Variants in PHF20 observed in about 807,000 individuals in gnomAD.
PHF20 encodes glioma-expressed antigen 2.
A neutral mutation model predicts 113.5 loss-of-function variants in PHF20; 23 were observed. The ratio of observed to expected loss-of-function variants is 0.20; its 90% CI spans 0.15 to 0.29. The LOEUF (loss-of-function observed/expected upper bound fraction) is 0.29, where lower values mean the gene tolerates loss of function less well. Among genes scored for constraint, PHF20 ranks in the 10% least tolerant of loss-of-function variants. The probability of loss-of-function intolerance (pLI) is 1.00; values close to 1 mark genes in which losing one functional copy is unlikely to be tolerated. For synonymous variants in PHF20, 434 were observed against 457.3 expected, an observed-to-expected ratio of 0.95 and a Z score of 0.65; for missense variants, 943 against 1,219.6, an observed-to-expected ratio of 0.77 and a Z score of 3.38.
chr20:35,852,668 A>G (rs2042755129), intron 4 of PHF20, among the ~76,000 whole-genome samples: 1 of 149,212 alleles, frequency 6.7e-6, no homozygotes, highest in African/African-American at 2.5e-5. Context: ...GCTCGATCTC[A>G]GCTCACTGCA....
intron 9 of PHF20, among the ~76,000 whole-genome samples, chr20:35,892,569 A>G (rs984050826): frequency 5.3e-5 from 8 of 152,144 alleles, no homozygotes; most frequent in African/African-American, 1.9e-4. Flanking sequence ...AAAAGTTAAC[A>G]TAAACATTTT....
chr20:35,899,382 T>C lies in PHF20; in HGVS notation c.1295T>C (p.Phe432Ser), dbSNP rs1330908618. 1.2e-5 allele frequency: 19 copies of C among 1,604,300 alleles called. No individual in the cohort carries two copies. The highest frequency in any genetic ancestry group is 2.2e-5 in the East Asian group (1 of 44,740). ...TTATTTTTTTCAGTAACAAATACTTTTAAGAAAACAGATGATTTTGGGTCA... is the reference window on the plus strand; with the variant it reads ...TTATTTTTTTCAGTAACAAATACTTCTAAGAAAACAGATGATTTTGGGTCA... ...EISTVEVTNT[F>S]KKTDDFGSSN... The change falls in exon 10 of 18, where the codon TTT becomes TCT. Residue 432 changes from phenylalanine to serine, a missense_variant. This residue lies in a region of PHF20 where 592 missense variants were observed against 787.2 expected (regional missense o/e 0.75). Transcript: ENST00000374012.
At chr20:35,833,386 G>C (rs566629962) in intron 2 of PHF20, among the ~76,000 whole-genome samples, 2 of 152,136 alleles carry the variant, frequency 1.3e-5, no homozygotes, top group Non-Finnish European at 2.9e-5. Context: ...TTGGAAAACA[G>C]TTTTGTGACT....
chr20:35,848,392 C>T (rs775672809), intron 4 of PHF20, among the ~76,000 whole-genome samples: 10 of 151,872 alleles, frequency 6.6e-5, no homozygotes, highest in African/African-American at 4.8e-5. Context: ...CTCAGCCTCC[C>T]GAGTAGCTGG....
chr20:35,807,864 T>C (rs903733971), intron 2 of PHF20, among the ~76,000 whole-genome samples: 4 of 152,198 alleles, frequency 2.6e-5, no homozygotes, highest in African/African-American at 9.7e-5. Flanking sequence ...GGAAGTGATA[T>C]TGTAATTTTG....
At chr20:35,792,712 G>C (rs2041581988) in intron 1 of PHF20, among the ~76,000 whole-genome samples, 1 of 152,066 alleles carries the variant, frequency 6.6e-6, no homozygotes, top group Non-Finnish European at 1.5e-5. Context: ...GATACTGTTT[G>C]TTAATTTTTA....
chr20:35,807,000 T>C (rs946797894), intron 2 of PHF20, among the ~76,000 whole-genome samples: 1 of 152,070 alleles, frequency 6.6e-6, no homozygotes, highest in East Asian at 1.9e-4. Flanking sequence ...TTTCACTGTG[T>C]TAGCCAGGAT....
chr20:35,844,250 G>A (rs532358593), intron 3 of PHF20, among the ~76,000 whole-genome samples: 4 of 151,686 alleles, frequency 2.6e-5, no homozygotes, highest in African/African-American at 4.8e-5. Flanking sequence ...CTACAGGTGC[G>A]TGCCACCACA....
At chr20:35,933,598 C>T (rs1410279348) in intron 15 of PHF20, among the ~76,000 whole-genome samples, 1 of 152,104 alleles carries the variant, frequency 6.6e-6, no homozygotes, top group Admixed American at 6.6e-5. Context: ...AGTGTTTCAC[C>T]GTGTTAGCCA....
intron 2 of PHF20, among the ~76,000 whole-genome samples, chr20:35,808,335 C>G (rs945128350): frequency 6.6e-6 from 1 of 152,182 alleles, no homozygotes; most frequent in East Asian, 1.9e-4. Flanking sequence ...ATGATAGCAG[C>G]CTTCCATAGT....
chr20:35,823,436 CAA>C (rs200101311), intron 2 of PHF20, among the ~76,000 whole-genome samples: 11 of 66,032 alleles, frequency 1.7e-4, no homozygotes, highest in African/African-American at 2.1e-4. Context: ...CTTCGTCTCT[CAA>C]AAAAAAAAAA....
At chr20:35,827,258 C>A (rs568929189) in intron 2 of PHF20, among the ~76,000 whole-genome samples, 1 of 150,742 alleles carries the variant, frequency 6.6e-6, no homozygotes, top group Non-Finnish European at 1.5e-5. Flanking sequence ...TGCGCCACCA[C>A]GTCTGGGTAA....
At chr20:35,919,090 A>G (rs1280153887) in intron 13 of PHF20, among the ~76,000 whole-genome samples, 2 of 151,660 alleles carry the variant, frequency 1.3e-5, no homozygotes, top group African/African-American at 4.8e-5. Flanking sequence ...ATTTCGGCTC[A>G]CCACCACCCT....
intron 9 of PHF20, among the ~76,000 whole-genome samples, chr20:35,887,148 AG>A (rs2054749209): frequency 6.6e-6 from 1 of 152,238 alleles, no homozygotes; most frequent in South Asian, 2.1e-4. Context: ...CTTTTTTTAA[AG>A]TATAAACATA....
chr20:35,893,808 G>T (rs1050038507), intron 9 of PHF20, among the ~76,000 whole-genome samples: 1 of 151,956 alleles, frequency 6.6e-6, no homozygotes, highest in Admixed American at 6.6e-5. Flanking sequence ...TAGAGATGGG[G>T]TTTCACCATG....
In PHF20 at chr20:35,801,614, A is replaced by T; in HGVS notation, c.83+9A>T. 1 of 1,594,518 alleles carries T rather than the reference A, an allele frequency of 6.3e-7. No individual in the cohort carries two copies. Among genetic ancestry groups the T allele is most frequent in the South Asian group, 1.1e-5 (1 of 90,508 alleles). On this transcript the variant is annotated intron_variant, in intron 2 of 17. Coordinates refer to ENST00000374012, the MANE Select transcript of PHF20 (RefSeq NM_016436.5). Reference sequence around the variant, plus strand: ...GACCGTTTAAAAAACTGGTACTTTTACATTTTTCTGTTAATTAAAGCCCTT... The same window carrying T: ...GACCGTTTAAAAAACTGGTACTTTTTCATTTTTCTGTTAATTAAAGCCCTT...
At chr20:35,934,289 TC>T (rs1425323543) in intron 15 of PHF20, among the ~76,000 whole-genome samples, 3 of 152,192 alleles carry the variant, frequency 2.0e-5, no homozygotes, top group African/African-American at 7.2e-5. Flanking sequence ...GAACATTGGG[TC>T]TGCGTTGGTT....
chr20:35,784,507 G>C (rs2041370085), intron 1 of PHF20, among the ~76,000 whole-genome samples: 1 of 128,688 alleles, frequency 7.8e-6, no homozygotes, highest in Non-Finnish European at 1.5e-5. Flanking sequence ...CATGATCTCT[G>C]CTTACTGCAA....
chr20:35,899,504 A>G lies in PHF20; in HGVS notation c.1417A>G (p.Met473Val), dbSNP rs764945096. Residue 473 changes from methionine (M) to valine (V), a missense_variant, in exon 10 of 18, where the codon ATG becomes GTG. Met to Val is a conservative substitution (Grantham distance 21). Around this residue, in one of 3 missense-constraint regions of PHF20, gnomAD observed 592 missense variants for 787.2 expected, o/e 0.75. Coordinates refer to ENST00000374012, the MANE Select transcript of PHF20 (RefSeq NM_016436.5). ...CAAAGCCAAACTGTTGCACTATCACATGAAGTATTTCCATGGAATGGAGAA... is the reference window on the plus strand; with the variant it reads ...CAAAGCCAAACTGTTGCACTATCACGTGAAGTATTTCCATGGAATGGAGAA... ...FRKAKLLHYH[M>V]KYFHGMEKSL... 13 of 1,614,200 alleles carry G rather than the reference A, an allele frequency of 8.1e-6. No individual in the cohort carries two copies. Among genetic ancestry groups the G allele is most frequent in the Non-Finnish European group, 1.1e-5 (13 of 1,180,038 alleles).
Sources: gnomAD v4.1 joint callset for allele counts (sites outside exome capture counted in the v4.1 genomes callset) on GRCh38, gnomAD v4.1.1 for gene constraint, gnomAD v4.1.1 regional missense constraint, MANE v1.5 for transcripts, NCBI Gene and HGNC (gene_info 2026-07-23, HGNC 2026-07-21) for gene names.